CTNNB1: variants seen among roughly 807,000 people sequenced by gnomAD.
The protein encoded by CTNNB1 is catenin beta-1.
A neutral mutation model predicts 82.5 loss-of-function variants in CTNNB1; 6 were observed. The ratio of observed to expected loss-of-function variants is 0.07; its 90% CI spans 0.04 to 0.14. The LOEUF (loss-of-function observed/expected upper bound fraction) is 0.14. Among genes scored for constraint, CTNNB1 ranks in the 10% least tolerant of loss-of-function variants. The pLI, the probability that CTNNB1 is intolerant of heterozygous loss-of-function variation, is 1.00. For missense variants in CTNNB1, 529 were observed against 980.4 expected (o/e 0.54, Z 6.15); for synonymous variants, 312 against 329.7 (o/e 0.95, Z 0.58).
intron 14 of CTNNB1, among the ~76,000 whole-genome samples, chr3:41,238,680 C>G (rs1056050634): frequency 6.6e-6 from 1 of 152,170 alleles, no homozygotes; most frequent in Non-Finnish European, 1.5e-5. Context: ...TAGTGCCTTT[C>G]CTTAGTACTT....
intron 1 of CTNNB1, among the ~76,000 whole-genome samples, chr3:41,202,324 C>A (rs528751264): frequency 1.3e-5 from 2 of 152,286 alleles, no homozygotes; most frequent in Non-Finnish European, 2.9e-5. Context: ...CGGAAGCATG[C>A]TTGACTGCCA....
chr3:41,239,806 C>CT lies in CTNNB1; in HGVS notation c.*469dup, dbSNP rs571568960. ...TTGAAGTAAACTTTTTGTTCTGGTC[C>CT]TTTTTGGTCGAGGAGTAACAATACA... On this transcript the variant is annotated 3_prime_UTR_variant, in exon 15 of 15. Transcript: ENST00000349496. 3.6e-6 allele frequency: 1 copy of CT among 276,910 alleles called. No homozygotes were observed. Among genetic ancestry groups the CT allele is most frequent in the Admixed American group, 4.8e-5 (1 of 21,024 alleles). 17.2% of individuals were successfully genotyped at this position (276,910 alleles called of 1,614,324 possible). A position where few individuals can be genotyped will look rare whatever the true frequency, so the allele number is the denominator to read the frequency against.
rs552052200 is a variant in CTNNB1 at position 41,201,102 on chromosome 3, AT to A, written c.-49+1435del. Among the ~76,000 whole-genome samples the A allele has an allele frequency of 2.4e-4, 37 of 152,318 alleles. No individual in the cohort carries two copies. The East Asian group carries it at 6.0e-3, about 25-fold the overall frequency. ...ATCGCTAAGTTGTAGTTTGTCTGGA[AT>A]TTAGGAAGCCATTTCAGTATTTGTC... On this transcript the variant is annotated intron_variant, in intron 1 of 14. Coordinates refer to ENST00000349496, the MANE Select transcript of CTNNB1 (RefSeq NM_001904.4).
At chr3:41,224,182 C>A in intron 2 of CTNNB1, 101 bp downstream of exon 2, 2 of 1,376,604 alleles carry the variant, frequency 1.5e-6, no homozygotes, top group Non-Finnish European at 1.0e-6. Context: ...TCCCTGCTTA[C>A]TTGTCAGGCT....
At chr3:41,213,867 T>G (rs1798794) in intron 1 of CTNNB1, among the ~76,000 whole-genome samples, 64,228 of 152,026 alleles carry the variant, frequency 0.42, 15,002 homozygotes, top group East Asian at 0.69. Context: ...GCTTCCTAGC[T>G]TACTCTTTCT....
intron 6 of CTNNB1, among the ~76,000 whole-genome samples, chr3:41,226,826 G>A (rs1215747752): frequency 2.0e-5 from 3 of 151,972 alleles, no homozygotes; most frequent in African/African-American, 7.3e-5. Context: ...AAATGATGAG[G>A]AGTTAAGTGC....
intron 1 of CTNNB1, among the ~76,000 whole-genome samples, chr3:41,208,677 A>C (rs1032488363): frequency 2.0e-5 from 3 of 152,132 alleles, no homozygotes; most frequent in Non-Finnish European, 4.4e-5. Context: ...ATGCCCAGTG[A>C]TCTCTTGTAT....
At chr3:41,218,664 G>T (rs1355430382) in intron 1 of CTNNB1, among the ~76,000 whole-genome samples, 1 of 152,208 alleles carries the variant, frequency 6.6e-6, no homozygotes, top group Non-Finnish European at 1.5e-5. Flanking sequence ...AGCTTCCCAA[G>T]TAGCTGGGAC....
intron 7 of CTNNB1, among the ~76,000 whole-genome samples, chr3:41,231,932 C>G (rs1007705249): frequency 1.3e-5 from 2 of 152,146 alleles, no homozygotes; most frequent in African/African-American, 4.8e-5. Flanking sequence ...AAATGGAACC[C>G]TCAGAAGGCA....
chr3:41,224,875 C>T (rs2078138576), intron 3 of CTNNB1, 79 bp from the exon 4 acceptor site: 1 of 1,606,404 alleles, frequency 6.2e-7, no homozygotes, highest in Non-Finnish European at 8.5e-7. Context: ...ATAGCAATGT[C>T]ACTTTTACCA....
In CTNNB1 at chr3:41,233,668, G is replaced by A. The variant is rs2125639536; in HGVS notation, c.1325G>A (p.Gly442Asp). Residue 442 changes from glycine (G) to aspartate (D), a missense_variant, in exon 9 of 15, where the codon GGT becomes GAT. Transcript: ENST00000349496. ...AACAAGATGATGGTCTGCCAAGTGGGTGGTATAGAGGCTCTTGTGCGTACT... is the reference window on the plus strand; with the variant it reads ...AACAAGATGATGGTCTGCCAAGTGGATGGTATAGAGGCTCTTGTGCGTACT... ...YKNKMMVCQV[G>D]GIEALVRTVL... 1 of 1,614,150 alleles carries A rather than the reference G, an allele frequency of 6.2e-7. No homozygotes were observed. The highest frequency in any genetic ancestry group is 8.5e-7 in the Non-Finnish European group (1 of 1,180,024).
intron 1 of CTNNB1, among the ~76,000 whole-genome samples, chr3:41,206,282 T>C (rs562019384): frequency 2.6e-5 from 4 of 152,336 alleles, no homozygotes; most frequent in Admixed American, 1.3e-4. Flanking sequence ...ATAAACCTTA[T>C]GATTAATAAA....
At chr3:41,201,648 G>A (rs2125581543) in intron 1 of CTNNB1, among the ~76,000 whole-genome samples, 1 of 151,906 alleles carries the variant, frequency 6.6e-6, no homozygotes, top group African/African-American at 2.4e-5. Flanking sequence ...GGAGTCCTGA[G>A]TCTCCCACAG....
Position 41,225,895 on chromosome 3 carries a change from A to G in CTNNB1, c.936+34A>G. 1 of 1,565,690 alleles carries G rather than the reference A, an allele frequency of 6.4e-7. No homozygotes were observed. Among genetic ancestry groups the G allele is most frequent in the Non-Finnish European group, 8.8e-7 (1 of 1,139,404 alleles). ...ATTATTCTTTATGTGGTTTTCATGG[A>G]GCATTGGACACCTCCAGTGTCATGT... On this transcript the variant is annotated intron_variant, in intron 6 of 14. Coordinates refer to ENST00000349496, the MANE Select transcript of CTNNB1 (RefSeq NM_001904.4). This position sits in a 1 kb window ranked among gnomAD's most constrained non-coding sequence, Gnocchi z 5.3.
chr3:41,212,171 G>T (rs1002189139), intron 1 of CTNNB1, among the ~76,000 whole-genome samples: 4 of 152,134 alleles, frequency 2.6e-5, no homozygotes, highest in Non-Finnish European at 5.9e-5. Context: ...TTTATTTGGG[G>T]TATCTAATCA....
Position 41,235,715 on chromosome 3 carries a change from T to C in CTNNB1, c.1684-9T>C. 6.2e-7 allele frequency: 1 copy of C among 1,614,158 alleles called. No individual in the cohort carries two copies. Among genetic ancestry groups the C allele is most frequent in the East Asian group, 2.2e-5 (1 of 44,888 alleles). ...ATGCCCTGTTTGTTAACCATGTTTC[T>C]TTTGGCAGGAGGGGGTCCGCATGGA... On this transcript the variant is annotated splice_polypyrimidine_tract_variant and intron_variant, in intron 10 of 14. Transcript: ENST00000349496.
chr3:41,236,071 T>A, intron 11 of CTNNB1: 1 of 687,442 alleles, frequency 1.5e-6, no homozygotes, highest in Non-Finnish European at 2.4e-6. Context: ...TGACCTGGGC[T>A]GCCAGAGGCA....
rs766827521 is a variant in CTNNB1, at chr3:41,225,571, G to A, written c.733G>A (p.Gly245Ser). 3.7e-6 allele frequency: 6 copies of A among 1,614,102 alleles called. No individual in the cohort carries two copies. In the South Asian group the frequency reaches 6.6e-5, roughly 18 times the overall value. Residue 245 changes from glycine to serine, a missense_variant and splice_region_variant, in exon 5 of 15, where the codon GGT (glycine) becomes AGT (serine). Gly to Ser is a moderately conservative substitution (Grantham distance 56). Transcript: ENST00000349496. This position sits in a 1 kb window ranked among gnomAD's most constrained non-coding sequence, Gnocchi z 5.3. ...CATTCCTGCCCTGGTGAAAATGCTT[G>A]GGTAAGAAAACATGTCAGAATGCTT... ...GGIPALVKML[G>S]SPVDSVLFYA... is the part of the protein sequence containing the mutation.
At position 41,239,167 on chromosome 3, in the gene CTNNB1, A is replaced by G. The variant is rs748749625; in HGVS notation, c.2171A>G (p.Tyr724Cys). ...TATCGTTCTTTTCACTCTGGTGGAT[A>G]TGGCCAGGATGCCTTGGGTATGGAC... ...PSYRSFHSGG[Y>C]GQDALGMDPM... The change falls in exon 15 of 15, where the codon TAT becomes TGT. Residue 724 changes from tyrosine to cysteine, a missense_variant. Around this residue, in one of 4 missense-constraint regions of CTNNB1, gnomAD observed 102 missense variants for 130.8 expected, o/e 0.78. Transcript: ENST00000349496. The G allele has an allele frequency of 1.2e-6, 2 of 1,614,120 alleles. No individual in the cohort carries two copies. Among genetic ancestry groups the G allele is most frequent in the African/African-American group, 1.3e-5 (1 of 75,048 alleles).
Sources: gnomAD v4.1 joint callset for allele counts (sites outside exome capture counted in the v4.1 genomes callset) on GRCh38, gnomAD v4.1.1 for gene constraint, gnomAD v4.1.1 regional missense constraint, Gnocchi (gnomAD v3.1) non-coding constraint, MANE v1.5 for transcripts, NCBI Gene and HGNC (gene_info 2026-07-23, HGNC 2026-07-21) for gene names.